NOSTRIN: variants seen among roughly 807,000 people sequenced by gnomAD.
The protein encoded by NOSTRIN is nitric oxide synthase trafficking, also known as BM247 homolog.
Under a neutral mutation model 59.0 loss-of-function variants are expected in NOSTRIN, and 63 were observed. The ratio of observed to expected loss-of-function variants is 1.07; its 90% CI spans 0.87 to 1.32. The LOEUF (loss-of-function observed/expected upper bound fraction) is 1.32. Ranked by LOEUF, NOSTRIN falls within the 40% of genes most tolerant of loss-of-function variation. The pLI is 0.00. For missense variants in NOSTRIN, 512 were observed against 473.1 expected (o/e 1.08, Z -0.76); for synonymous variants, 200 against 165.4 (o/e 1.21, Z -1.61).
Position 168,851,361 on chromosome 2 carries a change from T to C in NOSTRIN, c.812T>C (p.Leu271Ser). The stretch of plus-strand genomic sequence containing the variant: ...GCTGTAATGGAAGAAACTGCAATTT[T>C]ATCTACAGAAAACAAATCTGAGTTC... ...IQAVMEETAILSTENKSEFLL... is the reference protein window; with the variant it reads ...IQAVMEETAISSTENKSEFLL... Residue 271 changes from leucine (L) to serine (S), a missense_variant, in exon 10 of 16, where the codon TTA becomes TCA. By Grantham distance (145) the Leu-to-Ser change is moderately radical (BLOSUM62 -2). Transcript: ENST00000317647. The C allele has an allele frequency of 6.2e-7, 1 of 1,613,372 alleles. No homozygotes were observed.
intron 15 of NOSTRIN, chr2:168,863,355 T>A (rs1689600390): frequency 1.0e-6 from 1 of 953,852 alleles, no homozygotes; most frequent in South Asian, 4.9e-5. Flanking sequence ...AGAAAAGGAG[T>A]TAATAATTTC....
chr2:168,813,657 T>C (rs2105560596), intron 2 of NOSTRIN, among the ~76,000 whole-genome samples: 1 of 152,266 alleles, frequency 6.6e-6, no homozygotes. Flanking sequence ...TAGCTAAAGT[T>C]ATCTCCCCTC....
chr2:168,826,858 G>C (rs995411784), intron 3 of NOSTRIN, among the ~76,000 whole-genome samples: 1 of 152,150 alleles, frequency 6.6e-6, no homozygotes, highest in Non-Finnish European at 1.5e-5. Flanking sequence ...CATGCCAAAA[G>C]ATTTATCATG....
intron 12 of NOSTRIN, 125 bp from the exon 13 acceptor site, chr2:168,859,387 T>TATC: frequency 2.2e-6 from 3 of 1,392,590 alleles, no homozygotes; most frequent in Non-Finnish European, 2.9e-6. Context: ...TTTCTGTGAA[T>TATC]ATCTGTATGA....
upstream of NOSTRIN, among the ~76,000 whole-genome samples, chr2:168,794,304 G>T (rs972456536): frequency 3.3e-5 from 5 of 151,948 alleles, no homozygotes; most frequent in African/African-American, 1.2e-4. Flanking sequence ...AGTTGTGAGA[G>T]GAGCTGACTT....
chr2:168,828,651 G>A (rs988668594), intron 5 of NOSTRIN, 150 bp downstream of exon 5: 5 of 380,358 alleles, frequency 1.3e-5, no homozygotes, highest in African/African-American at 2.1e-5. Context: ...TAAAATAAAT[G>A]AATAATAAAA....
upstream of NOSTRIN, among the ~76,000 whole-genome samples, chr2:168,801,839 A>G (rs980477098): frequency 3.9e-5 from 6 of 152,218 alleles, no homozygotes; most frequent in African/African-American, 1.2e-4. Flanking sequence ...CTTTTGAGTG[A>G]TGAAAAATGA....
At position 168,849,607 on chromosome 2, in the gene NOSTRIN, C is replaced by T. The variant is rs181085951; in HGVS notation, c.631-1477C>T. 2.7e-5 allele frequency among the ~76,000 whole-genome samples: 4 copies of T among 149,650 alleles called. No individual in the cohort carries two copies. The East Asian group carries it at 6.0e-4, about 23-fold the overall frequency. ...CTGACCTCAGGTAGTTCACCCGTCT[C>T]GGCCTCCCAAAATGCTGGGATTATA... On this transcript the variant is annotated intron_variant, in intron 8 of 15. Transcript: ENST00000317647.
At chr2:168,825,865 T>G (rs1687033951) in intron 3 of NOSTRIN, among the ~76,000 whole-genome samples, 1 of 152,210 alleles carries the variant, frequency 6.6e-6, no homozygotes, top group Non-Finnish European at 1.5e-5. Flanking sequence ...CCACTCTTCT[T>G]TAGGCATCAG....
chr2:168,833,832 T>C (rs1026621253), intron 6 of NOSTRIN, among the ~76,000 whole-genome samples: 5 of 152,168 alleles, frequency 3.3e-5, no homozygotes, highest in African/African-American at 1.2e-4. Flanking sequence ...GTGGCCTAGG[T>C]TGATGTAAAG....
rs1685395079 is a variant in NOSTRIN at position 168,793,022 on chromosome 2, G to T, written c.-473+4974G>T. The stretch of plus-strand genomic sequence containing the variant: ...TCCAAAGCCTATATCATTAACTCCT[G>T]TTCTTTAGTCCCTCCCATGGAAGCC... On this transcript the variant is annotated intron_variant, in intron 2 of 20. Transcript: ENST00000458381. Among the ~76,000 whole-genome samples, 3 of 152,100 alleles carry T rather than the reference G, an allele frequency of 2.0e-5. No individual in the cohort carries two copies. In the South Asian group the frequency reaches 6.2e-4, roughly 32 times the overall value.
At chr2:168,828,013 C>A in intron 3 of NOSTRIN, 145 bp from the exon 4 acceptor site, 1 of 667,382 alleles carries the variant, frequency 1.5e-6, no homozygotes, top group Non-Finnish European at 2.8e-6. Flanking sequence ...AATGTAATCT[C>A]ATAGAGAAAT....
Position 168,856,798 on chromosome 2 carries a change from A to G in NOSTRIN, c.1053+20A>G, listed in dbSNP as rs372520912. ...GATGAGGTAAATGTTTGCCGAGTGCATTTCCTAGATGTAGTGATGAAAAGG... is the reference window on the plus strand; with the variant it reads ...GATGAGGTAAATGTTTGCCGAGTGCGTTTCCTAGATGTAGTGATGAAAAGG... On this transcript the variant is annotated intron_variant, in intron 12 of 15. Transcript: ENST00000317647. The G allele has an allele frequency of 2.5e-6, 4 of 1,606,408 alleles. No individual in the cohort carries two copies. The highest frequency in any genetic ancestry group is 3.4e-6 in the Non-Finnish European group (4 of 1,173,026).
At chr2:168,857,610 T>C (rs921284533) in intron 12 of NOSTRIN, among the ~76,000 whole-genome samples, 3 of 152,136 alleles carry the variant, frequency 2.0e-5, no homozygotes, top group Non-Finnish European at 2.9e-5. Flanking sequence ...AGCTGATGAA[T>C]TTTACACAGG....
chr2:168,797,072 C>CTTTTTTTTT (rs1168296049), upstream of NOSTRIN, among the ~76,000 whole-genome samples: 1 of 85,352 alleles, frequency 1.2e-5, no homozygotes. Flanking sequence ...CTTTCTTTTT[C>CTTTTTTTTT]TTTTTTCTTT....
At chr2:168,801,947 A>G (rs1156483915), upstream of NOSTRIN, among the ~76,000 whole-genome samples, 1 of 152,154 alleles carries the variant, frequency 6.6e-6, no homozygotes, top group Non-Finnish European at 1.5e-5. Flanking sequence ...AGAAGTGGTT[A>G]ATGTACGCTT....
chr2:168,850,895 G>C, intron 8 of NOSTRIN, 189 bp from the exon 9 acceptor site: 1 of 797,532 alleles, frequency 1.3e-6, no homozygotes, highest in Non-Finnish European at 2.1e-6. Flanking sequence ...GAAAGTGTGT[G>C]AGTGATTTAA....
chr2:168,857,766 C>T (rs937950966), intron 12 of NOSTRIN, among the ~76,000 whole-genome samples: 2 of 152,046 alleles, frequency 1.3e-5, no homozygotes, highest in African/African-American at 2.4e-5. Context: ...GGAATCTGGG[C>T]GTTTTGTTTT....
At chr2:168,839,103 T>G (rs1227289888) in intron 7 of NOSTRIN, among the ~76,000 whole-genome samples, 2 of 152,120 alleles carry the variant, frequency 1.3e-5, no homozygotes, top group Non-Finnish European at 2.9e-5. Context: ...CTCTTTCATG[T>G]GGCCTGTAAG....
Sources: allele counts gnomAD v4.1 joint callset (sites outside exome capture counted in the v4.1 genomes callset), GRCh38; gene constraint gnomAD v4.1.1; transcripts MANE v1.5; gene names NCBI Gene and HGNC (gene_info 2026-07-23, HGNC 2026-07-21).